The following RYR2 variants were observed in gnomAD, a reference collection of about 807,000 sequenced individuals.
The protein encoded by RYR2 is ryanodine receptor 2, also known as cardiac muscle ryanodine receptor-calcium release channel.
In RYR2, 227 loss-of-function variants were observed where a neutral mutation model predicts 601.1. The observed-to-expected ratio is 0.38, with a 90% CI of 0.34 to 0.42. The LOEUF (loss-of-function observed/expected upper bound fraction) is 0.42, where lower values mean the gene tolerates loss of function less well. Ranked by LOEUF, RYR2 falls within the 10% of genes least tolerant of loss-of-function variation. The pLI, the probability that RYR2 is intolerant of heterozygous loss-of-function variation, is 1.00. For synonymous variants in RYR2, 2,223 were observed against 2,175.1 expected, an observed-to-expected ratio of 1.02 and a Z score of -0.61; for missense variants, 4,646 against 6,156.5, an observed-to-expected ratio of 0.75 and a Z score of 8.21.
At chr1:237,480,378 CA>C (rs61271895) in intron 17 of RYR2, among the ~76,000 whole-genome samples, 10,679 of 57,542 alleles carry the variant, frequency 0.19, 415 homozygotes, top group African/African-American at 0.31. Context: ...AAGATCATCT[CA>C]AAAAAAAAAA....
chr1:237,332,771 T>G (rs1396105484), intron 3 of RYR2, among the ~76,000 whole-genome samples: 1 of 152,242 alleles, frequency 6.6e-6, no homozygotes, highest in Non-Finnish European at 1.5e-5. Flanking sequence ...ATCTTTTATC[T>G]TCTTCAAATC....
chr1:237,792,376 T>TGTGTGTGTGTGA, intron 94 of RYR2, 53 bp downstream of exon 94: 2 of 771,586 alleles, frequency 2.6e-6, no homozygotes, highest in Non-Finnish European at 1.9e-6. Flanking sequence ...TGTGTGTGTG[T>TGTGTGTGTGTGA]GTGTGCGTGT....
chr1:237,832,235 TAC>T (rs896962175), intron 104 of RYR2, among the ~76,000 whole-genome samples: 19 of 151,426 alleles, frequency 1.3e-4, no homozygotes, highest in African/African-American at 4.6e-4. Context: ...TTAATTTTAG[TAC>T]AGACAAGATC....
chr1:237,666,244 T>C lies in RYR2; in HGVS notation c.8437-268T>C, dbSNP rs567988116. Among the ~76,000 whole-genome samples the C allele has an allele frequency of 4.6e-5, 7 of 152,330 alleles. No homozygotes were observed. In the South Asian group the frequency reaches 1.0e-3, roughly 23 times the overall value. On this transcript the variant is annotated intron_variant, in intron 56 of 104. Coordinates refer to ENST00000366574, the MANE Select transcript of RYR2 (RefSeq NM_001035.3). ...AAATGTAATGATCCTCTGCATAAGA[T>C]AATGTTTCAGAATTTTGGATTCATT...
rs188884251 is a variant in RYR2, at chr1:237,630,970, A to T, written c.6441-457A>T. On this transcript the variant is annotated intron_variant, in intron 41 of 104. Coordinates refer to ENST00000366574, the MANE Select transcript of RYR2 (RefSeq NM_001035.3). ...CAATAAGAAATAACACTATTGTAAT[A>T]ATATACACAAATACTGAATGTAATA... 9.1e-4 allele frequency among the ~76,000 whole-genome samples: 138 copies of T among 152,282 alleles called. 1 individual carries two copies. The highest frequency in any genetic ancestry group is 3.2e-3 in the African/African-American group (133 of 41,576).
chr1:237,301,041 TA>T (rs919114282), intron 2 of RYR2, among the ~76,000 whole-genome samples: 1 of 152,182 alleles, frequency 6.6e-6, no homozygotes, highest in African/African-American at 2.4e-5. Context: ...TGTTGTATTA[TA>T]AGTAGTTATA....
At chr1:237,319,821 A>G (rs1695453723) in intron 2 of RYR2, among the ~76,000 whole-genome samples, 2 of 152,308 alleles carry the variant, frequency 1.3e-5, no homozygotes, top group Middle Eastern at 6.8e-3. Context: ...TCAAAAATAT[A>G]CTGAGTTAGA....
intron 29 of RYR2, among the ~76,000 whole-genome samples, chr1:237,572,540 T>C (rs992542252): frequency 1.3e-5 from 2 of 152,230 alleles, no homozygotes; most frequent in Non-Finnish European, 2.9e-5. Flanking sequence ...TTTGACTTTG[T>C]ATTTCATAGA....
intron 62 of RYR2, among the ~76,000 whole-genome samples, chr1:237,682,064 G>A (rs1231004333): frequency 6.6e-6 from 1 of 152,102 alleles, no homozygotes; most frequent in East Asian, 1.9e-4. Context: ...CTCCTCTCCT[G>A]TCTTGTGTTT....
At chr1:237,589,644 A>G in intron 29 of RYR2, 149 bp from the exon 30 acceptor site, 1 of 656,316 alleles carries the variant, frequency 1.5e-6, no homozygotes, top group East Asian at 2.7e-5. Context: ...GTAATATTTA[A>G]TGTCATTGTT....
At chr1:237,493,484 G>C (rs901112035) in intron 19 of RYR2, among the ~76,000 whole-genome samples, 5 of 151,654 alleles carry the variant, frequency 3.3e-5, no homozygotes, top group Admixed American at 2.6e-4. Context: ...ACAGAGTCTC[G>C]CTCTGTCGCC....
At chr1:237,376,488 T>C (rs773025987) in intron 7 of RYR2, among the ~76,000 whole-genome samples, 1 of 150,554 alleles carries the variant, frequency 6.6e-6, no homozygotes. Flanking sequence ...CACCATAAAG[T>C]TGAGTGAAGG....
intron 97 of RYR2, among the ~76,000 whole-genome samples, chr1:237,798,594 C>T (rs1043445504): frequency 6.6e-6 from 1 of 152,042 alleles, no homozygotes; most frequent in Non-Finnish European, 1.5e-5. Flanking sequence ...CAGAGGAACT[C>T]ATATTACTTT....
chr1:237,251,028 A>ATGTGTGTG (rs3056167), intron 1 of RYR2, among the ~76,000 whole-genome samples: 5,156 of 139,262 alleles, frequency 0.037, 103 homozygotes, highest in Non-Finnish European at 0.054. Context: ...TCCCCAACAG[A>ATGTGTGTG]TGTGTGTGTG....
chr1:237,719,095 C>T (rs1027174894), intron 73 of RYR2, among the ~76,000 whole-genome samples: 4 of 151,990 alleles, frequency 2.6e-5, no homozygotes, highest in African/African-American at 9.7e-5. Flanking sequence ...CCCGCCTCTA[C>T]AAAAAGTACA....
At chr1:237,699,241 G>A (rs1687753177) in intron 64 of RYR2, among the ~76,000 whole-genome samples, 1 of 152,120 alleles carries the variant, frequency 6.6e-6, no homozygotes, top group Non-Finnish European at 1.5e-5. Flanking sequence ...GGTAATTTCT[G>A]TAGCAGCTAG....
At chr1:237,221,275 A>G (rs1014474392) in intron 1 of RYR2, among the ~76,000 whole-genome samples, 5 of 152,220 alleles carry the variant, frequency 3.3e-5, no homozygotes. Context: ...CATGGAAAAC[A>G]TTGATTAGAT....
intron 2 of RYR2, among the ~76,000 whole-genome samples, chr1:237,312,457 G>A (rs1010810445): frequency 2.6e-5 from 4 of 152,220 alleles, no homozygotes; most frequent in African/African-American, 9.6e-5. Flanking sequence ...CGCACTTGCA[G>A]TAATAATCTG....
intron 1 of RYR2, among the ~76,000 whole-genome samples, chr1:237,152,803 A>G (rs10925333): frequency 0.11 from 16,413 of 152,242 alleles, 991 homozygotes; most frequent in African/African-American, 0.15. Context: ...TGAAATTGAC[A>G]AATGGGATCT....
Sources: gnomAD v4.1 joint callset for allele counts (sites outside exome capture counted in the v4.1 genomes callset) on GRCh38, gnomAD v4.1.1 for gene constraint, MANE v1.5 for transcripts, NCBI Gene and HGNC (gene_info 2026-07-23, HGNC 2026-07-21) for gene names.